Variants in RAB27B observed in about 807,000 individuals in gnomAD.
The protein encoded by RAB27B is ras-related protein Rab-27B.
RAB27B carries 15 observed loss-of-function variants against 24.6 expected under a neutral mutation model. The observed-to-expected ratio is 0.61, with a 90% CI of 0.41 to 0.94. RAB27B has a LOEUF of 0.94. RAB27B is among the 40% of genes least tolerant of loss of function. The pLI is 0.00. For missense variants in RAB27B, 261 were observed against 266.8 expected (o/e 0.98, Z 0.15); for synonymous variants, 105 against 92.5 (o/e 1.14, Z -0.78).
chr18:54,858,104 A>T (rs1911856518), intron 1 of RAB27B, among the ~76,000 whole-genome samples: 1 of 152,212 alleles, frequency 6.6e-6, no homozygotes, highest in African/African-American at 2.4e-5. Context: ...CATCGTGTAA[A>T]TATGAACTAG....
At position 54,858,989 on chromosome 18, in the gene RAB27B, A is replaced by T. The variant is rs186430990; in HGVS notation, c.-19-18578A>T. Among the ~76,000 whole-genome samples, 10 of 152,286 alleles carry T rather than the reference A, an allele frequency of 6.6e-5. 1 individual carries two copies. Among genetic ancestry groups the T allele is most frequent in the Admixed American group, 2.6e-4 (4 of 15,298 alleles). ...TACCTTTTAGTGTTTGACTTAATGT[A>T]GTAAGTTATATGTGTCTTTTTGTTC... On this transcript the variant is annotated intron_variant, in intron 1 of 5. Coordinates refer to ENST00000262094, the MANE Select transcript of RAB27B (RefSeq NM_004163.4).
chr18:54,779,133 T>C (rs2311210), intron 2 of RAB27B, among the ~76,000 whole-genome samples: 151,851 of 152,316 alleles, frequency 1, 75,698 homozygotes, highest in Middle Eastern at 1. Context: ...CCACCGTACC[T>C]GGCGCAGTTA....
At chr18:54,804,688 A>G (rs974330300) in intron 2 of RAB27B, among the ~76,000 whole-genome samples, 2 of 152,204 alleles carry the variant, frequency 1.3e-5, no homozygotes, top group African/African-American at 4.8e-5. Context: ...AGTGTAATAC[A>G]TGATCCAGAA....
intron 1 of RAB27B, among the ~76,000 whole-genome samples, chr18:54,868,823 C>T (rs1912353267): frequency 1.3e-5 from 2 of 152,106 alleles, no homozygotes; most frequent in African/African-American, 4.8e-5. Flanking sequence ...GACGGGGTTT[C>T]ACCATGTTGG....
intron 2 of RAB27B, among the ~76,000 whole-genome samples, chr18:54,759,224 C>A (rs1023877954): frequency 1.3e-5 from 2 of 152,098 alleles, no homozygotes; most frequent in African/African-American, 2.4e-5. Context: ...CTCTGATGAT[C>A]CTTCATACAT....
intron 2 of RAB27B, among the ~76,000 whole-genome samples, chr18:54,754,144 C>A (rs1907925554): frequency 6.7e-6 from 1 of 148,512 alleles, no homozygotes; most frequent in South Asian, 2.1e-4. Context: ...GAGGTGATTG[C>A]ATCGTAAGGG....
At chr18:54,833,234 C>CTTTTTTTTTTTTTTTTTTT (rs559070445) in intron 1 of RAB27B, among the ~76,000 whole-genome samples, 2 of 129,520 alleles carry the variant, frequency 1.5e-5, no homozygotes, top group Non-Finnish European at 3.2e-5. Context: ...TTCTTTCTTT[C>CTTTTTTTTTTTTTTTTTTT]TTTTTTTTTT....
At chr18:54,777,170 C>T (rs1023762388) in intron 2 of RAB27B, among the ~76,000 whole-genome samples, 2 of 152,102 alleles carry the variant, frequency 1.3e-5, no homozygotes, top group African/African-American at 4.8e-5. Context: ...CTCAAATTTA[C>T]AATAACTTTT....
intron 2 of RAB27B, among the ~76,000 whole-genome samples, chr18:54,743,388 A>G (rs1353285878): frequency 6.6e-6 from 1 of 152,188 alleles, no homozygotes; most frequent in Non-Finnish European, 1.5e-5. Flanking sequence ...AGCTCCAGAC[A>G]GTACAATGCA....
chr18:54,856,216 A>C (rs964843372), intron 1 of RAB27B, among the ~76,000 whole-genome samples: 1 of 152,258 alleles, frequency 6.6e-6, no homozygotes, highest in Middle Eastern at 3.2e-3. Flanking sequence ...TGAGAACTGA[A>C]TGACAATTAG....
At chr18:54,827,016 G>A (rs1018364167), upstream of RAB27B, among the ~76,000 whole-genome samples, 3 of 152,294 alleles carry the variant, frequency 2.0e-5, no homozygotes, top group East Asian at 5.8e-4. Flanking sequence ...TGTTAACAGT[G>A]GAAAAGATTC....
chr18:54,753,094 C>T (rs1297838195), intron 2 of RAB27B, among the ~76,000 whole-genome samples: 1 of 152,058 alleles, frequency 6.6e-6, no homozygotes, highest in Admixed American at 6.6e-5. Context: ...ATTTGAGGTG[C>T]CTGTGTCACC....
At position 54,728,348 on chromosome 18, in the gene RAB27B, G is replaced by C. The variant is rs147805194; in HGVS notation, c.-20+10207G>C. 2.5e-3 allele frequency among the ~76,000 whole-genome samples: 386 copies of C among 152,272 alleles called. 4 individuals are homozygous for C. The South Asian group carries it at 0.028, about 11-fold the overall frequency. On this transcript the variant is annotated intron_variant, in intron 2 of 4. Transcript: ENST00000586570. Reference sequence around the variant, plus strand: ...GGGATGGCAGCCTCAGTGGGGTGAAGTTTTTGTTATCTTTTACTCTTGCCC... The same window carrying C: ...GGGATGGCAGCCTCAGTGGGGTGAACTTTTTGTTATCTTTTACTCTTGCCC...
At chr18:54,872,029 T>C (rs995842555) in intron 1 of RAB27B, among the ~76,000 whole-genome samples, 2 of 152,066 alleles carry the variant, frequency 1.3e-5, no homozygotes, top group African/African-American at 4.8e-5. Context: ...AACTGTAGCA[T>C]TTGCCAAGCT....
chr18:54,813,293 G>A (rs1265623728), intron 2 of RAB27B, among the ~76,000 whole-genome samples: 1 of 152,206 alleles, frequency 6.6e-6, no homozygotes, highest in East Asian at 1.9e-4. Flanking sequence ...GACATGCTAT[G>A]AGAAAGTTTA....
At chr18:54,781,408 C>G (rs1374338250) in intron 2 of RAB27B, among the ~76,000 whole-genome samples, 1 of 151,928 alleles carries the variant, frequency 6.6e-6, no homozygotes, top group Non-Finnish European at 1.5e-5. Flanking sequence ...TGAATTTGAC[C>G]ACACTTTATT....
chr18:54,886,052 G>T (rs573141688), intron 4 of RAB27B, among the ~76,000 whole-genome samples: 2 of 151,940 alleles, frequency 1.3e-5, no homozygotes, highest in Non-Finnish European at 2.9e-5. Context: ...CTCCCACTAG[G>T]CCCCACCTCC....
At chr18:54,873,410 G>C (rs977094952) in intron 1 of RAB27B, among the ~76,000 whole-genome samples, 1 of 152,182 alleles carries the variant, frequency 6.6e-6, no homozygotes, top group African/African-American at 2.4e-5. Context: ...AAACACTGCA[G>C]TCTTCTGGCC....
chr18:54,844,281 G>A (rs183634237), intron 1 of RAB27B, among the ~76,000 whole-genome samples: 136 of 152,160 alleles, frequency 8.9e-4, no homozygotes, highest in Non-Finnish European at 1.4e-3. Flanking sequence ...ATCTGTGAGG[G>A]TTAAAGTTGA....
Sources: gnomAD v4.1 joint callset for allele counts (sites outside exome capture counted in the v4.1 genomes callset) on GRCh38, gnomAD v4.1.1 for gene constraint, MANE v1.5 for transcripts, NCBI Gene and HGNC (gene_info 2026-07-23, HGNC 2026-07-21) for gene names.